Variants in FAM13C observed in about 807,000 individuals in gnomAD.
FAM13C encodes the protein protein FAM13C.
FAM13C carries 37 observed loss-of-function variants against 73.2 expected under a neutral mutation model. That is an observed-to-expected ratio of 0.51 (90% CI 0.39 to 0.67). The LOEUF (loss-of-function observed/expected upper bound fraction) is 0.67, where lower values mean the gene tolerates loss of function less well. Ranked by LOEUF, FAM13C falls within the 30% of genes least tolerant of loss-of-function variation. FAM13C has a pLI of 0.00. For missense variants in FAM13C, 589 were observed against 715.6 expected, an observed-to-expected ratio of 0.82 and a Z score of 2.02; for synonymous variants, 246 against 260.9, an observed-to-expected ratio of 0.94 and a Z score of 0.55.
chr10:59,334,372 T>G (rs1438448521), intron 3 of FAM13C, among the ~76,000 whole-genome samples: 2 of 152,204 alleles, frequency 1.3e-5, no homozygotes, highest in South Asian at 4.1e-4. Context: ...CTCACTTGCA[T>G]GTTAATGGTA....
At chr10:59,348,799 C>A (rs190419267) in intron 3 of FAM13C, among the ~76,000 whole-genome samples, 200 of 152,188 alleles carry the variant, frequency 1.3e-3, no homozygotes, top group African/African-American at 4.2e-3. Flanking sequence ...CCATGCCTGG[C>A]TGATTTTTGT....
At chr10:59,302,715 A>T in intron 5 of FAM13C, 86 bp downstream of exon 5, 1 of 1,258,896 alleles carries the variant, frequency 7.9e-7, no homozygotes, top group Non-Finnish European at 1.1e-6. Context: ...TTTTCATGAG[A>T]ATGAATTCCT....
At chr10:59,271,362 C>A (rs1843699982) in intron 6 of FAM13C, among the ~76,000 whole-genome samples, 1 of 152,208 alleles carries the variant, frequency 6.6e-6, no homozygotes, top group African/African-American at 2.4e-5. Context: ...TGCGTAACAT[C>A]AAAGGCCTGA....
intron 4 of FAM13C, among the ~76,000 whole-genome samples, chr10:59,304,052 G>A (rs1847924149): frequency 6.6e-6 from 1 of 152,116 alleles, no homozygotes; most frequent in Non-Finnish European, 1.5e-5. Context: ...GGAGGCTGAG[G>A]CACGAGAATT....
chr10:59,255,511 T>A (rs1841868300), intron 10 of FAM13C, among the ~76,000 whole-genome samples: 1 of 152,108 alleles, frequency 6.6e-6, no homozygotes, highest in Non-Finnish European at 1.5e-5. Flanking sequence ...GTATTCTGCA[T>A]TAATTTTCTG....
At chr10:59,337,148 T>A (rs1439730476) in intron 3 of FAM13C, among the ~76,000 whole-genome samples, 1 of 152,264 alleles carries the variant, frequency 6.6e-6, no homozygotes, top group Non-Finnish European at 1.5e-5. Context: ...TTTGTAATTC[T>A]ATCATTGAAG....
rs564378428 is a variant in FAM13C, at chr10:59,335,719, C to T, written c.325-11613G>A. ...TATGGCCTACATTGTGTTTGTTTAC[C>T]TGGGGTCAAGTCCACAGGGGATAGG... On this transcript the variant is annotated intron_variant, in intron 3 of 13. Coordinates refer to ENST00000618804, the MANE Select transcript of FAM13C (RefSeq NM_198215.4). Among the ~76,000 whole-genome samples, 8 of 152,244 alleles carry T rather than the reference C, an allele frequency of 5.3e-5. No individual in the cohort carries two copies. In the East Asian group the frequency reaches 1.4e-3, roughly 26 times the overall value.
chr10:59,264,120 A>G lies in FAM13C; in HGVS notation c.989T>C (p.Met330Thr), dbSNP rs372071096. Reference protein sequence around the residue: ...KTSNPEVLKWMNDLAKGRKQL... With the variant: ...KTSNPEVLKWTNDLAKGRKQL... ...TTTACGACCTTTAGCCAAATCATTC[A>G]TCCATTTCAGGACTTCAGGATTAGA... The change falls in exon 9 of 14, where the codon ATG becomes ACG. Residue 330 changes from methionine (M) to threonine (T), a missense_variant. By Grantham distance (81) the Met-to-Thr change is moderately conservative (BLOSUM62 -1). Coordinates refer to ENST00000618804, the MANE Select transcript of FAM13C (RefSeq NM_198215.4). 2.0e-5 allele frequency: 33 copies of G among 1,612,136 alleles called. No individual in the cohort carries two copies. The highest frequency in any genetic ancestry group is 2.5e-5 in the Non-Finnish European group (30 of 1,179,058).
intron 3 of FAM13C, 151 bp downstream of exon 3, chr10:59,352,119 T>A (rs1589721776): frequency 2.5e-6 from 2 of 794,398 alleles, no homozygotes; most frequent in East Asian, 2.7e-5. Context: ...CTGCAAGAGC[T>A]TCCACGTGTC....
chr10:59,295,812 A>G (rs1389478129), intron 5 of FAM13C, among the ~76,000 whole-genome samples: 1 of 152,240 alleles, frequency 6.6e-6, no homozygotes. Context: ...AGAAGAACCC[A>G]GAGATAGAAA....
intron 5 of FAM13C, among the ~76,000 whole-genome samples, chr10:59,293,836 C>T (rs530026048): frequency 2.6e-5 from 4 of 152,336 alleles, no homozygotes; most frequent in East Asian, 3.9e-4. Context: ...GCTGGATACA[C>T]ATTTGCTTCT....
At chr10:59,297,106 T>C (rs1847010866) in intron 5 of FAM13C, 1 of 152,210 alleles carries the variant, frequency 6.6e-6, no homozygotes, top group Admixed American at 6.5e-5. Context: ...GTTATTTATA[T>C]CCTACTGCTC....
chr10:59,293,069 C>CTTTTTTTTTTTT (rs148715812), intron 5 of FAM13C, among the ~76,000 whole-genome samples: 6 of 109,536 alleles, frequency 5.5e-5, no homozygotes, highest in Admixed American at 1.2e-4. Context: ...TTTTCTTTTT[C>CTTTTTTTTTTTT]TTTTTTTTTT....
At chr10:59,328,361 T>C (rs1452115067) in intron 3 of FAM13C, among the ~76,000 whole-genome samples, 7 of 152,210 alleles carry the variant, frequency 4.6e-5, no homozygotes, top group South Asian at 4.1e-4. Flanking sequence ...TTTGTTCTCA[T>C]TGCAATTTTA....
chr10:59,362,251 A>G, intron 1 of FAM13C, 148 bp downstream of exon 1: 1 of 1,114,922 alleles, frequency 9.0e-7, no homozygotes, highest in Non-Finnish European at 1.3e-6. Flanking sequence ...CCCACCAGTC[A>G]GCACGTCTCA....
chr10:59,320,673 C>G (rs919595262), intron 4 of FAM13C, among the ~76,000 whole-genome samples: 17 of 152,178 alleles, frequency 1.1e-4, no homozygotes, highest in African/African-American at 4.1e-4. Flanking sequence ...AGGAAAATGA[C>G]ATACAGAAAA....
chr10:59,331,341 C>T (rs898804814), intron 3 of FAM13C, among the ~76,000 whole-genome samples: 1 of 152,082 alleles, frequency 6.6e-6, no homozygotes, highest in Non-Finnish European at 1.5e-5. Context: ...CAGCATGAGG[C>T]GGAGGCAGAA....
chr10:59,342,492 A>G (rs1368397769), intron 3 of FAM13C, among the ~76,000 whole-genome samples: 1 of 152,218 alleles, frequency 6.6e-6, no homozygotes, highest in Non-Finnish European at 1.5e-5. Context: ...GAGTTAGCAG[A>G]TAAAAACACA....
At chr10:59,360,143 C>A (rs536439061) in intron 1 of FAM13C, among the ~76,000 whole-genome samples, 14 of 152,322 alleles carry the variant, frequency 9.2e-5, no homozygotes, top group Non-Finnish European at 1.8e-4. Context: ...TCTTCTAGGA[C>A]TCCCAGCTGG....
Sources: allele counts gnomAD v4.1 joint callset (sites outside exome capture counted in the v4.1 genomes callset), GRCh38; gene constraint gnomAD v4.1.1; transcripts MANE v1.5; gene names NCBI Gene and HGNC (gene_info 2026-07-23, HGNC 2026-07-21).